Variants in RORA observed in about 807,000 individuals in gnomAD.
RORA encodes RAR related orphan receptor A, also known as nuclear receptor ROR-alpha.
A neutral mutation model predicts 69.5 loss-of-function variants in RORA; 7 were observed. The ratio of observed to expected loss-of-function variants is 0.10; its 90% CI spans 0.06 to 0.19. The LOEUF is 0.19. Ranked by LOEUF, RORA falls within the 10% of genes least tolerant of loss-of-function variation. The pLI, the probability that RORA is intolerant of heterozygous loss-of-function variation, is 1.00. For missense variants in RORA, 457 were observed against 663.0 expected, an observed-to-expected ratio of 0.69 and a Z score of 3.41; for synonymous variants, 261 against 240.8, an observed-to-expected ratio of 1.08 and a Z score of -0.78.
intron 1 of RORA, among the ~76,000 whole-genome samples, chr15:60,828,594 T>G (rs1203063148): frequency 1.3e-5 from 2 of 152,174 alleles, no homozygotes. Flanking sequence ...CTCTGCCTGG[T>G]TCAGGCGCAT....
At chr15:60,533,948 G>A (rs2066603690) in intron 2 of RORA, among the ~76,000 whole-genome samples, 1 of 152,306 alleles carries the variant, frequency 6.6e-6, no homozygotes, top group Non-Finnish European at 1.5e-5. Context: ...CTAAACTTGG[G>A]CCTTTCAAGA....
intron 1 of RORA, among the ~76,000 whole-genome samples, chr15:61,001,234 C>T (rs1483384940): frequency 2.0e-5 from 3 of 152,194 alleles, no homozygotes; most frequent in African/African-American, 4.8e-5. Flanking sequence ...GAGGAAACAA[C>T]GCTTTTGAAA....
intron 1 of RORA, among the ~76,000 whole-genome samples, chr15:60,812,176 C>T (rs546491882): frequency 6.6e-6 from 1 of 152,142 alleles, no homozygotes; most frequent in Admixed American, 6.5e-5. Context: ...AAAATGGAAA[C>T]AACAATAGTA....
chr15:60,720,120 C>T (rs2071273163), intron 1 of RORA, among the ~76,000 whole-genome samples: 1 of 152,174 alleles, frequency 6.6e-6, no homozygotes. Context: ...TCGAGTTTCT[C>T]ATACTGCTGT....
At chr15:60,533,436 T>G (rs1049026249) in intron 2 of RORA, among the ~76,000 whole-genome samples, 2 of 152,198 alleles carry the variant, frequency 1.3e-5, no homozygotes, top group African/African-American at 4.8e-5. Flanking sequence ...AGTTGTCATT[T>G]GCAAGTCTGC....
intron 5 of RORA, among the ~76,000 whole-genome samples, chr15:60,506,646 A>G (rs1567042901): frequency 6.6e-6 from 1 of 152,170 alleles, no homozygotes; most frequent in East Asian, 1.9e-4. Flanking sequence ...TGAGGTCAGG[A>G]GTTCAAGACC....
intron 1 of RORA, among the ~76,000 whole-genome samples, chr15:60,730,593 G>C (rs1361048008): frequency 1.3e-5 from 2 of 151,994 alleles, no homozygotes; most frequent in African/African-American, 2.4e-5. Context: ...CATTTTCTAG[G>C]CTACTTTCTG....
At chr15:61,034,767 T>A (rs1331678187) in intron 1 of RORA, among the ~76,000 whole-genome samples, 2 of 131,624 alleles carry the variant, frequency 1.5e-5, no homozygotes, top group Non-Finnish European at 3.1e-5. Context: ...CCTGGTTGAT[T>A]CCACTAAAAA....
rs1200729438 is a variant in RORA at position 60,829,010 on chromosome 15, CAGA to C, written c.167-150327_167-150325del. On this transcript the variant is annotated intron_variant, in intron 1 of 10. Transcript: ENST00000335670. The stretch of plus-strand genomic sequence containing the variant: ...GGTGTCCCTCTCCCCCTAAAACTTT[CAGA>C]AGAAGTTTTGCACACCCCATGGGTC... Among the ~76,000 whole-genome samples, 4 of 152,306 alleles carry C rather than the reference CAGA, an allele frequency of 2.6e-5. No homozygotes were observed. In the East Asian group the frequency reaches 7.7e-4, roughly 29 times the overall value.
intron 1 of RORA, among the ~76,000 whole-genome samples, chr15:60,862,657 G>A (rs1482059): frequency 0.91 from 139,221 of 152,258 alleles, 64,493 homozygotes; most frequent in East Asian, 1. Flanking sequence ...AAAAAGAAGC[G>A]CTTGTATGAA....
At chr15:60,801,867 T>C (rs2072587010) in intron 1 of RORA, among the ~76,000 whole-genome samples, 1 of 152,248 alleles carries the variant, frequency 6.6e-6, no homozygotes, top group South Asian at 2.1e-4. Flanking sequence ...ATAATGATGA[T>C]GATGGTGGTG....
chr15:60,607,455 C>T (rs1000726906), intron 2 of RORA, among the ~76,000 whole-genome samples: 3 of 152,184 alleles, frequency 2.0e-5, no homozygotes, highest in Non-Finnish European at 4.4e-5. Context: ...TTGAATGTGA[C>T]ATGGTATACA....
chr15:60,750,302 T>A (rs959708167), intron 1 of RORA, among the ~76,000 whole-genome samples: 1 of 152,214 alleles, frequency 6.6e-6, no homozygotes, highest in Non-Finnish European at 1.5e-5. Flanking sequence ...GCCACTGGTC[T>A]CCTCAATCAG....
intron 1 of RORA, among the ~76,000 whole-genome samples, chr15:60,751,761 C>T (rs1330964827): frequency 6.6e-6 from 1 of 152,144 alleles, no homozygotes; most frequent in Non-Finnish European, 1.5e-5. Flanking sequence ...GATGAAGAAA[C>T]TGAGGCTCAG....
At chr15:61,174,875 C>CT (rs1555417156) in intron 1 of RORA, among the ~76,000 whole-genome samples, 7 of 152,094 alleles carry the variant, frequency 4.6e-5, no homozygotes, top group Non-Finnish European at 5.9e-5. Flanking sequence ...GTGGTATTAC[C>CT]ATCATTTTCT....
At chr15:60,729,711 G>A (rs1173867890) in intron 1 of RORA, among the ~76,000 whole-genome samples, 3 of 152,150 alleles carry the variant, frequency 2.0e-5, no homozygotes, top group South Asian at 4.1e-4. Context: ...GCCAACAAAT[G>A]GCATTGAATC....
intron 2 of RORA, among the ~76,000 whole-genome samples, chr15:60,539,088 GT>G: frequency 6.6e-6 from 1 of 151,650 alleles, no homozygotes. Flanking sequence ...CAAAATTGAA[GT>G]TTTGGAACTT....
intron 1 of RORA, among the ~76,000 whole-genome samples, chr15:61,101,518 G>C (rs191525201): frequency 6.6e-6 from 1 of 152,112 alleles, no homozygotes; most frequent in Non-Finnish European, 1.5e-5. Context: ...GAATTCAGCA[G>C]CAGGAAGGGT....
chr15:60,764,997 G>A (rs987623026), intron 1 of RORA: 1 of 151,804 alleles, frequency 6.6e-6, no homozygotes, highest in Non-Finnish European at 1.5e-5. Context: ...CTACCACAAA[G>A]GACAGCATCA....
Sources: gnomAD v4.1 joint callset for allele counts (sites outside exome capture counted in the v4.1 genomes callset) on GRCh38, gnomAD v4.1.1 for gene constraint, MANE v1.5 for transcripts, NCBI Gene and HGNC (gene_info 2026-07-23, HGNC 2026-07-21) for gene names.